The following NECTIN3 variants were observed in gnomAD, a reference collection of about 807,000 sequenced individuals.
NECTIN3 encodes nectin cell adhesion molecule 3, also known as nectin-3.
Under a neutral mutation model 49.4 loss-of-function variants are expected in NECTIN3, and 8 were observed. The observed-to-expected ratio is 0.16, with a 90% CI of 0.10 to 0.29. The LOEUF is 0.29. Ranked by LOEUF, NECTIN3 falls within the 10% of genes least tolerant of loss-of-function variation. The probability of loss-of-function intolerance (pLI) is 1.00; values close to 1 mark genes in which losing one functional copy is unlikely to be tolerated. For missense variants in NECTIN3, 581 were observed against 654.6 expected (o/e 0.89, Z 1.23); for synonymous variants, 277 against 241.1 (o/e 1.15, Z -1.38).
chr3:111,138,502 T>G (rs958155151), downstream of NECTIN3, among the ~76,000 whole-genome samples: 2 of 151,646 alleles, frequency 1.3e-5, no homozygotes, highest in Non-Finnish European at 3.0e-5. Flanking sequence ...ACACTTTGAC[T>G]TGAGTAGTGT....
At position 111,074,368 on chromosome 3, in the gene NECTIN3, A is replaced by C. The variant is rs2031025621; in HGVS notation, c.160+2191A>C. ...ATGTAATTAATATTTGCGTGGAGCC[A>C]GTTTTAGAGTTGAAAAGATTTTTAA... On this transcript the variant is annotated intron_variant, in intron 1 of 5. Transcript: ENST00000485303. 1.7e-5 allele frequency: 6 copies of C among 359,312 alleles called. No homozygotes were observed. In the Admixed American group the frequency reaches 1.9e-4, roughly 11 times the overall value. The allele number at this position is 359,312 out of a possible 1,614,324, so 22.3% of individuals were successfully genotyped here.
intron 2 of NECTIN3, among the ~76,000 whole-genome samples, chr3:111,115,617 A>G (rs2033659175): frequency 6.6e-6 from 1 of 152,244 alleles, no homozygotes; most frequent in South Asian, 2.1e-4. Flanking sequence ...CACATCACAT[A>G]GAGGAATGCC....
intron 2 of NECTIN3, among the ~76,000 whole-genome samples, chr3:111,114,466 A>G (rs1462856716): frequency 2.6e-5 from 4 of 152,104 alleles, no homozygotes; most frequent in East Asian, 3.9e-4. Context: ...CTCCACTATA[A>G]ACATGTAGTG....
chr3:111,119,436 A>T (rs1311563555), intron 3 of NECTIN3, among the ~76,000 whole-genome samples: 1 of 152,130 alleles, frequency 6.6e-6, no homozygotes, highest in Non-Finnish European at 1.5e-5. Context: ...GGTTCAAGTG[A>T]TTCTCCTGCC....
rs577316071 is a variant in NECTIN3, at chr3:111,072,241, GC to G, written c.160+66del. 365 of 1,487,026 alleles carry G rather than the reference GC, an allele frequency of 2.5e-4. 1 individual carries two copies. The African/African-American group carries it at 4.1e-3, about 17-fold the overall frequency. The allele number at this position is 1,487,026 out of a possible 1,614,324, so 92.1% of individuals were successfully genotyped here. On this transcript the variant is annotated intron_variant, in intron 1 of 5. Coordinates refer to ENST00000485303, the MANE Select transcript of NECTIN3 (RefSeq NM_015480.3). ...CGCCACTGAGGGTGCGGGCGCCGCG[GC>G]CGGCTCTGCCAGCCGTTCTCTGGAG...
chr3:111,084,541 T>TA (rs1196146851), intron 1 of NECTIN3, among the ~76,000 whole-genome samples: 1 of 152,124 alleles, frequency 6.6e-6, no homozygotes, highest in Non-Finnish European at 1.5e-5. Context: ...AGAAGTAGAA[T>TA]AGAGTCAGAC....
At chr3:111,193,647 T>C in intron 1 of NECTIN3, 1 of 427,284 alleles carries the variant, frequency 2.3e-6, no homozygotes, top group Non-Finnish European at 4.2e-6. Context: ...TGGCCTACAA[T>C]GGCATTTTCA....
intron 7 of NECTIN3, among the ~76,000 whole-genome samples, chr3:111,185,499 GA>G (rs63337563): frequency 0.29 from 44,124 of 151,996 alleles, 12,235 homozygotes; most frequent in African/African-American, 0.71. Context: ...ATCATGGCTG[GA>G]AAGCAGAAGT....
chr3:111,101,158 T>G (rs1228996127), intron 1 of NECTIN3, among the ~76,000 whole-genome samples: 1 of 152,110 alleles, frequency 6.6e-6, no homozygotes, highest in African/African-American at 2.4e-5. Flanking sequence ...TGTGCTTCTC[T>G]TCTGAAAATA....
At chr3:111,172,706 C>A (rs1392931139) in intron 7 of NECTIN3, among the ~76,000 whole-genome samples, 1 of 152,148 alleles carries the variant, frequency 6.6e-6, no homozygotes, top group Non-Finnish European at 1.5e-5. Context: ...AAATTGTTAT[C>A]AGGTGAATAT....
intron 7 of NECTIN3, among the ~76,000 whole-genome samples, chr3:111,177,555 C>G (rs1385409340): frequency 1.3e-5 from 2 of 152,112 alleles, no homozygotes; most frequent in African/African-American, 4.8e-5. Flanking sequence ...GTGATTTTCT[C>G]TACTTGATGG....
At chr3:111,122,326 A>C in intron 4 of NECTIN3, 88 bp downstream of exon 4, 1 of 943,466 alleles carries the variant, frequency 1.1e-6, no homozygotes, top group South Asian at 1.9e-5. Flanking sequence ...TGTATAATAC[A>C]TGATTATAGT....
intron 1 of NECTIN3, among the ~76,000 whole-genome samples, chr3:111,082,650 G>C (rs2031688036): frequency 6.6e-6 from 1 of 152,184 alleles, no homozygotes; most frequent in Non-Finnish European, 1.5e-5. Flanking sequence ...TGGCACCAGG[G>C]ACTGGTTTTG....
chr3:111,130,455 A>AT (rs1262068036), intron 5 of NECTIN3, among the ~76,000 whole-genome samples: 1 of 152,142 alleles, frequency 6.6e-6, no homozygotes, highest in African/African-American at 2.4e-5. Flanking sequence ...GTGAGAAGCC[A>AT]TAATTCACAA....
At chr3:111,080,691 A>G (rs2031540462) in intron 1 of NECTIN3, among the ~76,000 whole-genome samples, 1 of 152,004 alleles carries the variant, frequency 6.6e-6, no homozygotes, top group African/African-American at 2.4e-5. Flanking sequence ...AAAAAAAAAA[A>G]AAGGACTTAG....
chr3:111,184,141 T>A (rs1374272339), intron 7 of NECTIN3, among the ~76,000 whole-genome samples: 2 of 152,178 alleles, frequency 1.3e-5, no homozygotes, highest in Non-Finnish European at 2.9e-5. Context: ...TCCAGTGACT[T>A]TTTCCATTTC....
intron 7 of NECTIN3, among the ~76,000 whole-genome samples, chr3:111,173,210 A>G (rs781538548): frequency 5.9e-5 from 9 of 152,162 alleles, no homozygotes; most frequent in African/African-American, 1.2e-4. Context: ...AGGAAGATCT[A>G]TTTCTGAACC....
At chr3:111,179,593 G>C (rs2035590660) in intron 7 of NECTIN3, among the ~76,000 whole-genome samples, 1 of 152,194 alleles carries the variant, frequency 6.6e-6, no homozygotes, top group South Asian at 2.1e-4. Flanking sequence ...AAGTCTTGGG[G>C]AATAAGATCT....
chr3:111,154,185 T>G (rs539198630), intron 7 of NECTIN3, among the ~76,000 whole-genome samples: 132 of 152,126 alleles, frequency 8.7e-4, no homozygotes, highest in Non-Finnish European at 1.3e-3. Flanking sequence ...CAGCTTCTCT[T>G]TCATATCCTT....
Sources: allele counts gnomAD v4.1 joint callset (sites outside exome capture counted in the v4.1 genomes callset), GRCh38; gene constraint gnomAD v4.1.1; transcripts MANE v1.5; gene names NCBI Gene and HGNC (gene_info 2026-07-23, HGNC 2026-07-21).